MAP2K2: variants seen among roughly 807,000 people sequenced by gnomAD.
MAP2K2 encodes dual specificity mitogen-activated protein kinase kinase 2.
Under a neutral mutation model 43.7 loss-of-function variants are expected in MAP2K2, and 24 were observed. The observed-to-expected ratio is 0.55, with a 90% CI of 0.40 to 0.77. The LOEUF (loss-of-function observed/expected upper bound fraction) is 0.77. Among genes scored for constraint, MAP2K2 ranks in the 30% least tolerant of loss-of-function variants. The pLI is 0.00. For missense variants in MAP2K2, 470 were observed against 566.8 expected, an observed-to-expected ratio of 0.83 and a Z score of 1.73; for synonymous variants, 244 against 239.7, an observed-to-expected ratio of 1.02 and a Z score of -0.17.
intron 6 of MAP2K2, chr19:4,100,755 G>GA: frequency 1.8e-6 from 1 of 561,860 alleles, no homozygotes; most frequent in East Asian, 3.0e-5. Context: ...GGCAAGTGGG[G>GA]AGAGCTGATG....
At position 4,115,341 on chromosome 19, in the gene MAP2K2, G is replaced by A. The variant is rs796688374; in HGVS notation, c.303+2078C>T. 4.1e-4 allele frequency among the ~76,000 whole-genome samples: 62 copies of A among 152,268 alleles called. No homozygotes were observed. Among genetic ancestry groups the A allele is most frequent in the African/African-American group, 1.5e-3 (61 of 41,550 alleles). On this transcript the variant is annotated intron_variant, in intron 2 of 10. Coordinates refer to ENST00000262948, the MANE Select transcript of MAP2K2 (RefSeq NM_030662.4). The surrounding 1 kb of genome is among the most constrained non-coding windows in gnomAD (Gnocchi z 4.1). Reference sequence around the variant, plus strand: ...GGTGGGCCCGGCTTCACCTGCGCCTGTCAGCAGGAGCAGGAGCTGCTGATA... The same window carrying A: ...GGTGGGCCCGGCTTCACCTGCGCCTATCAGCAGGAGCAGGAGCTGCTGATA...
chr19:4,120,476 G>T (rs2041279159), intron 1 of MAP2K2, among the ~76,000 whole-genome samples: 1 of 152,144 alleles, frequency 6.6e-6, no homozygotes, highest in African/African-American at 2.4e-5. Flanking sequence ...ACCGCGCTCA[G>T]CTAATTTTTT....
At chr19:4,102,714 T>C in intron 3 of MAP2K2, 1 of 1,236,684 alleles carries the variant, frequency 8.1e-7, no homozygotes, top group Non-Finnish European at 1.1e-6. Flanking sequence ...GTTGCGTGAC[T>C]CGGCCCTCCT....
chr19:4,118,578 CA>C (rs776482693), intron 1 of MAP2K2, among the ~76,000 whole-genome samples: 174 of 151,974 alleles, frequency 1.1e-3, no homozygotes, highest in Non-Finnish European at 2.1e-3. Flanking sequence ...GGCTCTGTCT[CA>C]AAACAAAACA....
chr19:4,102,092 C>A (rs888525250), intron 4 of MAP2K2, among the ~76,000 whole-genome samples: 5 of 152,156 alleles, frequency 3.3e-5, no homozygotes, highest in African/African-American at 1.2e-4. Context: ...CTGCCAACAT[C>A]CCCCTGCCAC....
At chr19:4,106,247 A>G (rs929090526) in intron 3 of MAP2K2, among the ~76,000 whole-genome samples, 4 of 152,096 alleles carry the variant, frequency 2.6e-5, no homozygotes, top group African/African-American at 9.7e-5. Context: ...CTCTACACAA[A>G]TAAGCAAATA....
chr19:4,110,992 T>C (rs1046974813), intron 2 of MAP2K2, among the ~76,000 whole-genome samples: 7 of 152,160 alleles, frequency 4.6e-5, no homozygotes, highest in African/African-American at 1.7e-4. Flanking sequence ...GGCCACAGCG[T>C]GGGTGAACCC....
Position 4,094,482 on chromosome 19 carries a change from C to G in MAP2K2, c.1063G>C (p.Ala355Pro), listed in dbSNP as rs776743002. 2.5e-6 allele frequency: 4 copies of G among 1,569,804 alleles called. No individual in the cohort carries two copies. The highest frequency in any genetic ancestry group is 3.5e-6 in the Non-Finnish European group (4 of 1,156,730). Reference sequence around the variant, plus strand: ...AGCATCTTCAGGTCCGCCCGCTCCGCTGGGTTCTTGATGAGGCTGGGGGTT... The same window carrying G: ...AGCATCTTCAGGTCCGCCCGCTCCGGTGGGTTCTTGATGAGGCTGGGGGTT... The part of the protein sequence containing the change: ...FVNKCLIKNP[A>P]ERADLKMLTN... Residue 355 changes from alanine (A) to proline (P), a missense_variant, in exon 10 of 11, where the codon GCG (alanine) becomes CCG (proline). By Grantham distance (27) the Ala-to-Pro change is conservative. Transcript: ENST00000262948.
rs567994514 is a variant in MAP2K2 at position 4,116,703 on chromosome 19, G to A, written c.303+716C>T. The stretch of plus-strand genomic sequence containing the variant: ...TTAAATATAGAGAACCGAGGCAGGC[G>A]GATCACCTGGGGTCAAGAGTTCCAG... On this transcript the variant is annotated intron_variant, in intron 2 of 10. Coordinates refer to ENST00000262948, the MANE Select transcript of MAP2K2 (RefSeq NM_030662.4). 2.4e-4 allele frequency among the ~76,000 whole-genome samples: 37 copies of A among 152,096 alleles called. 1 individual carries two copies. The East Asian group carries it at 6.6e-3, about 27-fold the overall frequency.
At chr19:4,117,102 T>C (rs147928838) in intron 2 of MAP2K2, among the ~76,000 whole-genome samples, 60 of 152,308 alleles carry the variant, frequency 3.9e-4, no homozygotes, top group African/African-American at 1.3e-3. Context: ...ATCGCTTGTT[T>C]CTCTGGAGAA....
At chr19:4,113,674 A>G (rs557989890) in intron 2 of MAP2K2, among the ~76,000 whole-genome samples, 21 of 152,330 alleles carry the variant, frequency 1.4e-4, no homozygotes, top group African/African-American at 4.3e-4. Context: ...TTAAATGTGG[A>G]TGGTGTCAGG....
rs62132103 is a variant in MAP2K2, at chr19:4,110,202, G to T, written c.450+307C>A. 7.7e-3 allele frequency among the ~76,000 whole-genome samples: 1,169 copies of T among 152,220 alleles called. 10 individuals are homozygous for T. The highest frequency in any genetic ancestry group is 0.014 in the Middle Eastern group (4 of 294). ...GCCTGTAATCCCAGCTACTCGGGAG[G>T]CTGAGTCAGAAGTATCACTTGAATC... On this transcript the variant is annotated intron_variant, in intron 3 of 10. Transcript: ENST00000262948.
At chr19:4,094,619 CAG>C (rs2040889177) in intron 9 of MAP2K2, 121 bp from the exon 10 acceptor site, 7 of 923,370 alleles carry the variant, frequency 7.6e-6, no homozygotes, top group South Asian at 2.8e-5. Flanking sequence ...TCTCTCCGAC[CAG>C]AGAGAGTGGC....
chr19:4,097,494 C>T, intron 7 of MAP2K2, 151 bp from the exon 8 acceptor site: 2 of 661,138 alleles, frequency 3.0e-6, no homozygotes, highest in East Asian at 2.7e-5. Flanking sequence ...CTGGACAAAG[C>T]TCCCCTGCCT....
At chr19:4,093,745 T>C (rs774757180) in intron 10 of MAP2K2, among the ~76,000 whole-genome samples, 31 of 151,998 alleles carry the variant, frequency 2.0e-4, no homozygotes, top group Non-Finnish European at 3.5e-4. Context: ...AGGCACCCGG[T>C]TGGGTGTCTG....
At chr19:4,119,699 T>C (rs1400007371) in intron 1 of MAP2K2, among the ~76,000 whole-genome samples, 1 of 152,240 alleles carries the variant, frequency 6.6e-6, no homozygotes, top group Non-Finnish European at 1.5e-5. Context: ...TTGTTTTATG[T>C]GTTGCCTGTA....
At position 4,090,634 on chromosome 19, in the gene MAP2K2, C is replaced by T. The variant is rs1473228474; in HGVS notation, c.1167G>A (p.Leu389=). ...TGCGCGTGGGTGTGCCGGGCTGGTT[C>T]AGCCGCAGGGTTTTACACAACCAGC... ...FAGWLCKTLR[L]NQPGTPTRTA... is the part of the protein sequence containing the mutation. Residue 389 remains leucine, a synonymous_variant, in exon 11 of 11, where the codon CTG becomes CTA. Transcript: ENST00000262948. The T allele has an allele frequency of 3.2e-6, 5 of 1,554,854 alleles. No individual in the cohort carries two copies. The highest frequency in any genetic ancestry group is 2.4e-5 in the East Asian group (1 of 41,308).
At chr19:4,119,816 C>A (rs1464141051) in intron 1 of MAP2K2, among the ~76,000 whole-genome samples, 1 of 152,194 alleles carries the variant, frequency 6.6e-6, no homozygotes, top group Non-Finnish European at 1.5e-5. Flanking sequence ...AGGTGGACAG[C>A]CAGAGAGGGG....
At chr19:4,095,858 T>G (rs899317716) in intron 8 of MAP2K2, among the ~76,000 whole-genome samples, 7 of 152,224 alleles carry the variant, frequency 4.6e-5, no homozygotes, top group Non-Finnish European at 8.8e-5. Context: ...CACTGCAGCC[T>G]CCACCTCCGG....
Sources: gnomAD v4.1 joint callset for allele counts (sites outside exome capture counted in the v4.1 genomes callset) on GRCh38, gnomAD v4.1.1 for gene constraint, Gnocchi (gnomAD v3.1) non-coding constraint, MANE v1.5 for transcripts, NCBI Gene and HGNC (gene_info 2026-07-23, HGNC 2026-07-21) for gene names.